Variants in SIPA1L2 observed in about 807,000 individuals in gnomAD.
The protein encoded by SIPA1L2 is signal-induced proliferation-associated 1-like protein 2.
A neutral mutation model predicts 163.9 loss-of-function variants in SIPA1L2; 56 were observed. The observed-to-expected ratio is 0.34, with a 90% CI of 0.28 to 0.43. The LOEUF is 0.43. SIPA1L2 is among the 20% of genes least tolerant of loss of function. The probability of loss-of-function intolerance (pLI) is 1.00; values close to 1 mark genes in which losing one functional copy is unlikely to be tolerated. For synonymous variants in SIPA1L2, 877 were observed against 865.7 expected (o/e 1.01, Z -0.23); for missense variants, 1,974 against 2,193.5 (o/e 0.90, Z 2.00).
intron 3 of SIPA1L2, among the ~76,000 whole-genome samples, chr1:232,503,079 C>T (rs1157753619): frequency 6.6e-6 from 1 of 152,220 alleles, no homozygotes; most frequent in African/African-American, 2.4e-5. Flanking sequence ...CACCCAGAGT[C>T]TGTTCTTATT....
intron 1 of SIPA1L2, among the ~76,000 whole-genome samples, chr1:232,594,549 C>G (rs892917394): frequency 2.0e-5 from 3 of 152,088 alleles, no homozygotes; most frequent in African/African-American, 7.2e-5. Flanking sequence ...CTTTAGTTTC[C>G]ATCCTCACTC....
chr1:232,572,738 C>CAT lies in SIPA1L2; in HGVS notation c.-270+1434_-270+1435dup, dbSNP rs1219493276. Among the ~76,000 whole-genome samples, 255 of 39,530 alleles carry CAT rather than the reference C, an allele frequency of 6.5e-3. 2 individuals carry two copies. Among genetic ancestry groups the CAT allele is most frequent in the Non-Finnish European group, 0.011 (192 of 18,202 alleles). 25.9% of individuals were successfully genotyped at this position (39,530 alleles called of 152,430 possible). On this transcript the variant is annotated intron_variant, in intron 2 of 22. Transcript: ENST00000674635. ...ATATACACACATATATACATACATA[C>CAT]ATATATATATATATATATATATATA... is the stretch of plus-strand genomic sequence containing the variant.
chr1:232,456,045 C>T (rs1380600575), intron 10 of SIPA1L2, among the ~76,000 whole-genome samples: 1 of 152,026 alleles, frequency 6.6e-6, no homozygotes, highest in Non-Finnish European at 1.5e-5. Context: ...CACCAAACCC[C>T]CACGACACGT....
intron 12 of SIPA1L2, among the ~76,000 whole-genome samples, chr1:232,442,170 C>T (rs1354051427): frequency 6.6e-6 from 1 of 151,920 alleles, no homozygotes; most frequent in African/African-American, 2.4e-5. Context: ...AAACAATGTA[C>T]CTGCAAGCTA....
chr1:232,555,330 T>A (rs181679358), intron 2 of SIPA1L2, among the ~76,000 whole-genome samples: 320 of 152,330 alleles, frequency 2.1e-3, no homozygotes, highest in African/African-American at 7.2e-3. Flanking sequence ...CTATTTACAA[T>A]GCCATGCTTT....
At chr1:232,402,562 T>C in intron 21 of SIPA1L2, 89 bp from the exon 22 acceptor site, 2 of 1,077,338 alleles carry the variant, frequency 1.9e-6, no homozygotes, top group Non-Finnish European at 2.7e-6. Flanking sequence ...AATTATTTCA[T>C]GTGCTTAGAG....
intron 1 of SIPA1L2, among the ~76,000 whole-genome samples, chr1:232,622,215 CATATT>C (rs1029065209): frequency 1.1e-4 from 17 of 152,248 alleles, no homozygotes; most frequent in African/African-American, 2.9e-4. Context: ...CCTCTAATGT[CATATT>C]ATAAGAACTA....
At chr1:232,459,678 A>G (rs1664124323) in intron 10 of SIPA1L2, among the ~76,000 whole-genome samples, 1 of 151,686 alleles carries the variant, frequency 6.6e-6, no homozygotes, top group African/African-American at 2.4e-5. Context: ...GCACCTGGCT[A>G]ATTTTTGTAT....
At chr1:232,518,792 T>G (rs1205794956) in intron 2 of SIPA1L2, among the ~76,000 whole-genome samples, 4 of 152,194 alleles carry the variant, frequency 2.6e-5, no homozygotes, top group Admixed American at 2.6e-4. Flanking sequence ...TGTGAATTTG[T>G]TTTCTTCCCC....
At position 232,437,180 on chromosome 1, in the gene SIPA1L2, T is replaced by A. The variant is rs989828662; in HGVS notation, c.4031+1928A>T. Reference sequence around the variant, plus strand: ...CTCTGAAGGCAGTCTCCATAGAAATTTTACTTAATAATAATAATACAAAAC... The same window carrying A: ...CTCTGAAGGCAGTCTCCATAGAAATATTACTTAATAATAATAATACAAAAC... On this transcript the variant is annotated intron_variant, in intron 15 of 22. Transcript: ENST00000674635. Among the ~76,000 whole-genome samples the A allele has an allele frequency of 6.8e-4, 104 of 152,290 alleles. 2 individuals carry two copies. Among genetic ancestry groups the A allele is most frequent in the African/African-American group, 2.3e-3 (96 of 41,556 alleles).
intron 1 of SIPA1L2, among the ~76,000 whole-genome samples, chr1:232,618,562 G>A (rs1450510995): frequency 2.0e-5 from 3 of 151,670 alleles, no homozygotes; most frequent in African/African-American, 4.8e-5. Context: ...GCTGAGGCAG[G>A]AGAATCGCTT....
rs748924020 is a variant in SIPA1L2 at position 232,439,505 on chromosome 1, G to T, written c.3643-9C>A. 5.0e-6 allele frequency: 8 copies of T among 1,607,218 alleles called. No homozygotes were observed. Among genetic ancestry groups the T allele is most frequent in the Non-Finnish European group, 6.8e-6 (8 of 1,175,584 alleles). ...CAACTTTTATCCCCAATCTTCAGAAGAAAGAGGAACAGAGAGTTCTCAAGT... is the reference window on the plus strand; with the variant it reads ...CAACTTTTATCCCCAATCTTCAGAATAAAGAGGAACAGAGAGTTCTCAAGT... On this transcript the variant is annotated splice_polypyrimidine_tract_variant and intron_variant, in intron 14 of 22. Transcript: ENST00000674635.
intron 3 of SIPA1L2, among the ~76,000 whole-genome samples, chr1:232,505,645 G>C (rs879870484): frequency 2.0e-5 from 3 of 152,230 alleles, no homozygotes; most frequent in Admixed American, 2.0e-4. Flanking sequence ...AGAAAGCCCC[G>C]GTGTTTTCCA....
At chr1:232,562,855 C>T (rs1659124217) in intron 2 of SIPA1L2, among the ~76,000 whole-genome samples, 1 of 152,172 alleles carries the variant, frequency 6.6e-6, no homozygotes, top group Non-Finnish European at 1.5e-5. Context: ...TAACTGTGCA[C>T]ATTCTAGCAC....
chr1:232,411,246 C>T (rs1340855555), intron 19 of SIPA1L2, among the ~76,000 whole-genome samples: 3 of 152,190 alleles, frequency 2.0e-5, no homozygotes, highest in Non-Finnish European at 4.4e-5. Context: ...ATGGTTCAGG[C>T]TGGCCTGGTT....
At chr1:232,459,683 T>C (rs1664124609) in intron 10 of SIPA1L2, among the ~76,000 whole-genome samples, 1 of 151,938 alleles carries the variant, frequency 6.6e-6, no homozygotes, top group Non-Finnish European at 1.5e-5. Flanking sequence ...TGGCTAATTT[T>C]TGTATTTTTT....
In SIPA1L2 at chr1:232,432,279, C is replaced by T. The variant is rs761766563; in HGVS notation, c.4224G>A (p.Pro1408=). 6.3e-5 allele frequency: 101 copies of T among 1,614,100 alleles called. No individual in the cohort carries two copies. The highest frequency in any genetic ancestry group is 3.3e-4 in the Middle Eastern group (2 of 6,022). Residue 1408 remains proline (P), a synonymous_variant, in exon 16 of 23, where the codon CCG becomes CCA. Coordinates refer to ENST00000674635, the MANE Select transcript of SIPA1L2 (RefSeq NM_020808.5). ...IGWKKSEGSP[P]PEEPEVTECP... ...ATTCAGTCACTTCAGGCTCCTCGGG[C>T]GGTGGGCTGCCCTCCGATTTCTTCC...
At chr1:232,494,967 G>A (rs1666106451) in intron 3 of SIPA1L2, among the ~76,000 whole-genome samples, 2 of 152,088 alleles carry the variant, frequency 1.3e-5, no homozygotes, top group African/African-American at 2.4e-5. Flanking sequence ...GGGAACATCT[G>A]CAAACTTGAA....
chr1:232,459,036 G>A (rs1299081920), intron 10 of SIPA1L2, among the ~76,000 whole-genome samples: 1 of 152,140 alleles, frequency 6.6e-6, no homozygotes, highest in Non-Finnish European at 1.5e-5. Context: ...GGCAAATACA[G>A]GAAACAAGGC....
Sources: gnomAD v4.1 joint callset for allele counts (sites outside exome capture counted in the v4.1 genomes callset) on GRCh38, gnomAD v4.1.1 for gene constraint, MANE v1.5 for transcripts, NCBI Gene and HGNC (gene_info 2026-07-23, HGNC 2026-07-21) for gene names.